SSBP2: variants seen among roughly 807,000 people sequenced by gnomAD.
SSBP2 encodes the protein single-stranded DNA-binding protein 2.
In SSBP2, 17 loss-of-function variants were observed where a neutral mutation model predicts 61.8. The observed-to-expected ratio is 0.28, with a 90% CI of 0.19 to 0.41. SSBP2 has a LOEUF of 0.41. Among genes scored for constraint, SSBP2 ranks in the 10% least tolerant of loss-of-function variants. The pLI is 1.00. For synonymous variants in SSBP2, 139 were observed against 141.3 expected (o/e 0.98, Z 0.12); for missense variants, 310 against 458.7 (o/e 0.68, Z 2.96).
chr5:81,641,454 G>T (rs1447060696), intron 2 of SSBP2, among the ~76,000 whole-genome samples: 11 of 152,016 alleles, frequency 7.2e-5, no homozygotes, highest in Admixed American at 7.2e-4. Flanking sequence ...CCAGAAGCAG[G>T]TAAAACTTCC....
intron 4 of SSBP2, among the ~76,000 whole-genome samples, chr5:81,597,199 G>A (rs1743850257): frequency 6.6e-6 from 1 of 152,274 alleles, no homozygotes; most frequent in South Asian, 2.1e-4. Context: ...AGTGGGTGAA[G>A]GATATGAACA....
intron 14 of SSBP2, chr5:81,437,676 G>GTTT: frequency 2.4e-5 from 7 of 293,202 alleles, no homozygotes; most frequent in East Asian, 6.2e-5. Flanking sequence ...GTTCCCAATC[G>GTTT]TTTTTTTTTT....
At chr5:81,543,279 T>C (rs1771450398) in intron 4 of SSBP2, among the ~76,000 whole-genome samples, 1 of 152,196 alleles carries the variant, frequency 6.6e-6, no homozygotes, top group East Asian at 1.9e-4. Flanking sequence ...AACTCCTTTG[T>C]TTATAAATTA....
chr5:81,435,623 C>A (rs1198489103), intron 15 of SSBP2, among the ~76,000 whole-genome samples: 1 of 152,148 alleles, frequency 6.6e-6, no homozygotes, highest in Non-Finnish European at 1.5e-5. Context: ...TAGAAGATGG[C>A]ATTTAATTAA....
intron 5 of SSBP2, among the ~76,000 whole-genome samples, chr5:81,499,297 T>C (rs78124398): frequency 0.012 from 1,845 of 152,282 alleles, 39 homozygotes; most frequent in African/African-American, 0.042. Flanking sequence ...GCTAACCCAA[T>C]AGAGCAGAGT....
intron 1 of SSBP2, among the ~76,000 whole-genome samples, chr5:81,734,569 C>T (rs1221790034): frequency 2.6e-5 from 4 of 152,218 alleles, no homozygotes; most frequent in Admixed American, 2.0e-4. Context: ...GAAGCCAGTG[C>T]AATCATTGTC....
At chr5:81,736,423 G>T (rs1463563738) in intron 1 of SSBP2, among the ~76,000 whole-genome samples, 1 of 152,100 alleles carries the variant, frequency 6.6e-6, no homozygotes, top group African/African-American at 2.4e-5. Context: ...TTTGAGGGAG[G>T]TATTTATTGG....
chr5:81,493,072 T>C (rs1399139109), intron 5 of SSBP2, among the ~76,000 whole-genome samples: 1 of 151,852 alleles, frequency 6.6e-6, no homozygotes, highest in South Asian at 2.1e-4. Context: ...ACCTAAAGAT[T>C]AAATATCCCA....
In SSBP2 at chr5:81,615,513, G is replaced by A; in HGVS notation, c.242C>T (p.Thr81Ile). Residue 81 changes from threonine to isoleucine, a missense_variant, in exon 4 of 17, where the codon ACA (threonine) becomes ATA (isoleucine). Coordinates refer to ENST00000320672, the MANE Select transcript of SSBP2 (RefSeq NM_012446.5). ...TTTTGCTTCACTTGAGTGTTCACAT[G>A]TTTCACGTCTCTCTGGAGCTGCACA... is the stretch of plus-strand genomic sequence containing the variant. 1 of 1,613,722 alleles carries A rather than the reference G, an allele frequency of 6.2e-7. No individual in the cohort carries two copies. The highest frequency in any genetic ancestry group is 1.1e-5 in the South Asian group (1 of 91,068).
At chr5:81,460,547 A>G (rs1764465347) in intron 10 of SSBP2, among the ~76,000 whole-genome samples, 1 of 152,228 alleles carries the variant, frequency 6.6e-6, no homozygotes, top group Non-Finnish European at 1.5e-5. Context: ...TGTCAGGTAT[A>G]TAGAGAGATG....
chr5:81,503,784 GA>G (rs1767977347), intron 5 of SSBP2, among the ~76,000 whole-genome samples: 1 of 152,186 alleles, frequency 6.6e-6, no homozygotes, highest in Non-Finnish European at 1.5e-5. Flanking sequence ...TATATACCAT[GA>G]AATACTATGC....
At chr5:81,488,851 G>A (rs1224374715) in intron 6 of SSBP2, among the ~76,000 whole-genome samples, 1 of 151,716 alleles carries the variant, frequency 6.6e-6, no homozygotes, top group Non-Finnish European at 1.5e-5. Flanking sequence ...AGGATAATCA[G>A]CATTTACCAA....
chr5:81,588,303 T>C (rs1426828584), intron 4 of SSBP2, among the ~76,000 whole-genome samples: 4 of 152,138 alleles, frequency 2.6e-5, no homozygotes, highest in Non-Finnish European at 5.9e-5. Flanking sequence ...TTATCTTATA[T>C]ATAAAGATGT....
intron 4 of SSBP2, among the ~76,000 whole-genome samples, chr5:81,585,470 C>T (rs1774988123): frequency 6.6e-6 from 1 of 151,576 alleles, no homozygotes; most frequent in Admixed American, 6.6e-5. Flanking sequence ...CATAAGGAAG[C>T]ATGTTATAAA....
intron 4 of SSBP2, among the ~76,000 whole-genome samples, chr5:81,531,229 GAAAAAAAAAA>G (rs71000841): frequency 8.5e-6 from 1 of 118,312 alleles, no homozygotes; most frequent in Non-Finnish European, 1.8e-5. Context: ...ACCCTGTCTG[GAAAAAAAAAA>G]AAAGAAAAAA....
intron 5 of SSBP2, among the ~76,000 whole-genome samples, chr5:81,503,013 G>C (rs886278450): frequency 6.6e-6 from 1 of 152,086 alleles, no homozygotes; most frequent in African/African-American, 2.4e-5. Context: ...AGTGGGCAAA[G>C]GACATAGACA....
At chr5:81,476,824 T>C (rs1765623211) in intron 6 of SSBP2, among the ~76,000 whole-genome samples, 1 of 152,206 alleles carries the variant, frequency 6.6e-6, no homozygotes, top group South Asian at 2.1e-4. Flanking sequence ...TCTTTTTATA[T>C]TTATTAGTTG....
intron 3 of SSBP2, among the ~76,000 whole-genome samples, chr5:81,631,750 C>G (rs887231406): frequency 6.6e-6 from 1 of 152,138 alleles, no homozygotes; most frequent in East Asian, 1.9e-4. Context: ...ACCACCACCA[C>G]CCTCAGTACC....
chr5:81,648,007 T>C (rs759478411), intron 2 of SSBP2, among the ~76,000 whole-genome samples: 6 of 152,098 alleles, frequency 3.9e-5, no homozygotes, highest in East Asian at 1.9e-4. Context: ...TAAGAAAATA[T>C]AGTTTTGGGA....
Sources: gnomAD v4.1 joint callset for allele counts (sites outside exome capture counted in the v4.1 genomes callset) on GRCh38, gnomAD v4.1.1 for gene constraint, MANE v1.5 for transcripts, NCBI Gene and HGNC (gene_info 2026-07-23, HGNC 2026-07-21) for gene names.